Variants in DNM2 observed in about 807,000 individuals in gnomAD.
DNM2 encodes the protein dynamin 2, also known as dynamin-2.
DNM2 carries 15 observed loss-of-function variants against 99.0 expected under a neutral mutation model. That is an observed-to-expected ratio of 0.15 (90% CI 0.10 to 0.23). The LOEUF is 0.23. DNM2 is among the 10% of genes least tolerant of loss of function. DNM2 has a pLI of 1.00. For missense variants in DNM2, 742 were observed against 1,189.4 expected (o/e 0.62, Z 5.53); for synonymous variants, 525 against 481.2 (o/e 1.09, Z -1.19).
chr19:10,808,745 T>TTA, intron 14 of DNM2, 165 bp downstream of exon 14: 1 of 754,132 alleles, frequency 1.3e-6, no homozygotes, highest in Non-Finnish European at 2.1e-6. Context: ...GGACTGCACG[T>TTA]TGCCCTGGGT....
chr19:10,775,978 T>TC lies in DNM2; in HGVS notation c.589+74dup. On this transcript the variant is annotated intron_variant, in intron 4 of 20. Transcript: ENST00000389253. The surrounding 1 kb of genome is among the most constrained non-coding windows in gnomAD (Gnocchi z 4.3). ...ATGGGATGTGCCCAGCATCCTTGGTTCCAAGTCACTGGCGTTCTCTTTAAT... is the reference window on the plus strand; with the variant it reads ...ATGGGATGTGCCCAGCATCCTTGGTTCCCAAGTCACTGGCGTTCTCTTTAAT... 6.4e-7 allele frequency: 1 copy of TC among 1,567,278 alleles called. No homozygotes were observed. The highest frequency in any genetic ancestry group is 8.6e-7 in the Non-Finnish European group (1 of 1,157,808).
At chr19:10,805,813 CT>C in intron 12 of DNM2, 102 bp from the exon 13 acceptor site, 2 of 1,451,548 alleles carry the variant, frequency 1.4e-6, no homozygotes, top group Non-Finnish European at 1.9e-6. Context: ...CTACCTGTGG[CT>C]GCTCACTTGG....
chr19:10,719,859 CCA>C (rs2068878685), intron 1 of DNM2, among the ~76,000 whole-genome samples: 1 of 152,232 alleles, frequency 6.6e-6, no homozygotes, highest in South Asian at 2.1e-4. Flanking sequence ...TCACCCAAGG[CCA>C]CTAGGCTGGC....
In DNM2 at chr19:10,794,229, A is replaced by G. The variant is rs922609735; in HGVS notation, c.1128+374A>G. On this transcript the variant is annotated intron_variant, in intron 8 of 20. Coordinates refer to ENST00000389253, the MANE Select transcript of DNM2 (RefSeq NM_001005361.3). ...ACATAGCACTGAGCTGATATATACA[A>G]CATCCTTATGTATGAAACTGAACAT... Among the ~76,000 whole-genome samples, 13 of 152,124 alleles carry G rather than the reference A, an allele frequency of 8.5e-5. No homozygotes were observed. In the East Asian group the frequency reaches 2.3e-3, roughly 27 times the overall value.
intron 2 of DNM2, among the ~76,000 whole-genome samples, chr19:10,767,770 G>T (rs543835598): frequency 8.5e-5 from 13 of 152,278 alleles, no homozygotes; most frequent in African/African-American, 3.1e-4. Context: ...GCCAGGCGTG[G>T]TGGCATGCGC....
At chr19:10,740,482 C>T (rs1340701064) in intron 1 of DNM2, among the ~76,000 whole-genome samples, 1 of 151,896 alleles carries the variant, frequency 6.6e-6, no homozygotes, top group Non-Finnish European at 1.5e-5. Context: ...TTCACGCCAT[C>T]CTCGTGCCTC....
chr19:10,734,620 C>T (rs1482441041), intron 1 of DNM2, among the ~76,000 whole-genome samples: 1 of 104,430 alleles, frequency 9.6e-6, no homozygotes, highest in Non-Finnish European at 1.7e-5. Flanking sequence ...GCCCGGGCAA[C>T]AGAGCCAGAC....
At chr19:10,783,181 C>T in intron 6 of DNM2, 61 bp downstream of exon 6, 1 of 1,593,166 alleles carries the variant, frequency 6.3e-7, no homozygotes. Context: ...ACAACAGCTG[C>T]AATCCTCACT....
chr19:10,823,867 C>T lies in DNM2; in HGVS notation c.1861C>T (p.Leu621Phe). ...CGTGGACAGCTGGAAGGCCTCGTTC[C>T]TCCGAGCTGGCGTCTACCCCGAGAA... ...EDVDSWKASF[L>F]RAGVYPEKDQ... is the part of the protein sequence containing the mutation. The change falls in exon 17 of 21, where the codon CTC becomes TTC. Residue 621 changes from leucine (L) to phenylalanine (F), a missense_variant. By Grantham distance (22) the Leu-to-Phe change is conservative. Coordinates refer to ENST00000389253, the MANE Select transcript of DNM2 (RefSeq NM_001005361.3). The T allele has an allele frequency of 6.2e-7, 1 of 1,613,816 alleles. No individual in the cohort carries two copies. The highest frequency in any genetic ancestry group is 8.5e-7 in the Non-Finnish European group (1 of 1,180,002).
In DNM2 at chr19:10,765,636, C is replaced by T. The variant is rs1216282764; in HGVS notation, c.235+5825C>T. ...GTATTGCCTCGGATTAGAGAGAACT[C>T]AAGGGCTAAATGGGCATGGGAAGTG... On this transcript the variant is annotated intron_variant, in intron 2 of 20. Transcript: ENST00000389253. This position sits in a 1 kb window ranked among gnomAD's most constrained non-coding sequence, Gnocchi z 4.4. Among the ~76,000 whole-genome samples, 2 of 152,210 alleles carry T rather than the reference C, an allele frequency of 1.3e-5. No individual in the cohort carries two copies. Among genetic ancestry groups the T allele is most frequent in the Admixed American group, 6.5e-5 (1 of 15,284 alleles).
At chr19:10,744,831 T>C (rs1599463180) in intron 1 of DNM2, among the ~76,000 whole-genome samples, 1 of 152,032 alleles carries the variant, frequency 6.6e-6, no homozygotes, top group African/African-American at 2.4e-5. Context: ...AGGCCACCCC[T>C]TGCAGTGGGG....
intron 2 of DNM2, among the ~76,000 whole-genome samples, chr19:10,760,028 T>C (rs546544978): frequency 6.6e-6 from 1 of 151,980 alleles, no homozygotes; most frequent in Non-Finnish European, 1.5e-5. Flanking sequence ...AGGTGCCATG[T>C]GTGCTTTCTT....
In DNM2 at chr19:10,817,351, G is replaced by A. The variant is rs371075608; in HGVS notation, c.1672-2629G>A. The A allele has an allele frequency of 8.6e-6, 4 of 464,356 alleles. No individual in the cohort carries two copies. Among genetic ancestry groups the A allele is most frequent in the South Asian group, 4.7e-5 (3 of 63,926 alleles). 28.8% of individuals were successfully genotyped at this position (464,356 alleles called of 1,614,324 possible). ...GCGAGGCTCTGCCACAGTGGGAAAC[G>A]GGGTGGTGGAAAATGACACTCACCT... On this transcript the variant is annotated intron_variant, in intron 15 of 20. Coordinates refer to ENST00000389253, the MANE Select transcript of DNM2 (RefSeq NM_001005361.3). The surrounding 1 kb of genome is among the most constrained non-coding windows in gnomAD (Gnocchi z 4.6).
chr19:10,779,498 C>CT (rs1227116160), intron 5 of DNM2, among the ~76,000 whole-genome samples: 57 of 54,462 alleles, frequency 1.0e-3, no homozygotes, highest in South Asian at 2.0e-3. Flanking sequence ...TTCTTTCTTT[C>CT]TTTCTTTTTT....
At position 10,816,690 on chromosome 19, in the gene DNM2, T is replaced by C. The variant is rs1253688997; in HGVS notation, c.1672-3290T>C. 1.3e-5 allele frequency among the ~76,000 whole-genome samples: 2 copies of C among 152,122 alleles called. No homozygotes were observed. The highest frequency in any genetic ancestry group is 4.8e-5 in the African/African-American group (2 of 41,430). On this transcript the variant is annotated intron_variant, in intron 15 of 20. Transcript: ENST00000389253. The surrounding 1 kb of genome is among the most constrained non-coding windows in gnomAD (Gnocchi z 4.6). ...GAGAGCTGGTGCCCTGCCTTTCAGT[T>C]CAGGGCTGTGGGGACCTTCCAGGGT... is the stretch of plus-strand genomic sequence containing the variant.
chr19:10,719,618 C>G (rs2068871514), intron 1 of DNM2, among the ~76,000 whole-genome samples: 1 of 152,184 alleles, frequency 6.6e-6, no homozygotes, highest in African/African-American at 2.4e-5. Flanking sequence ...TTTCTTGTCT[C>G]CCAGATGGGC....
chr19:10,823,640 G>A (rs2073053838), intron 16 of DNM2, 148 bp from the exon 17 acceptor site: 6 of 707,918 alleles, frequency 8.5e-6, no homozygotes, highest in South Asian at 6.3e-5. Context: ...CGTCACTCAC[G>A]GTGACCCCTC....
In DNM2 at chr19:10,770,804, C is replaced by A. The variant is rs530383299; in HGVS notation, c.236-1675C>A. Among the ~76,000 whole-genome samples the A allele has an allele frequency of 4.0e-4, 61 of 152,282 alleles. 1 individual carries two copies. The highest frequency in any genetic ancestry group is 1.4e-3 in the African/African-American group (60 of 41,556). On this transcript the variant is annotated intron_variant, in intron 2 of 20. Coordinates refer to ENST00000389253, the MANE Select transcript of DNM2 (RefSeq NM_001005361.3). ...TCACGAGAATAGCACGGGAAAGACCCACCCCCATGATTCATTGATCTCCCA... is the reference window on the plus strand; with the variant it reads ...TCACGAGAATAGCACGGGAAAGACCAACCCCCATGATTCATTGATCTCCCA...
chr19:10,812,971 G>A lies in DNM2; in HGVS notation c.1671+594G>A, dbSNP rs537242053. The stretch of plus-strand genomic sequence containing the variant: ...AGGCCCTGACCTCCAGTGCCACTGT[G>A]ACTGCCCCGTGCTCAAGAGAAGGGG... On this transcript the variant is annotated intron_variant, in intron 15 of 20. Transcript: ENST00000389253. The surrounding 1 kb of genome is among the most constrained non-coding windows in gnomAD (Gnocchi z 4.0). Among the ~76,000 whole-genome samples the A allele has an allele frequency of 6.6e-6, 1 of 152,332 alleles. No individual in the cohort carries two copies. The highest frequency in any genetic ancestry group is 2.4e-5 in the African/African-American group (1 of 41,572).
Sources: allele counts gnomAD v4.1 joint callset (sites outside exome capture counted in the v4.1 genomes callset), GRCh38; gene constraint gnomAD v4.1.1; non-coding constraint Gnocchi (gnomAD v3.1); transcripts MANE v1.5; gene names NCBI Gene and HGNC (gene_info 2026-07-23, HGNC 2026-07-21).